Variants in ARID4A observed in about 807,000 individuals in gnomAD.
ARID4A encodes the protein AT-rich interaction domain 4A, also known as AT-rich interactive domain-containing protein 4A.
In ARID4A, 39 loss-of-function variants were observed where a neutral mutation model predicts 148.6. The ratio of observed to expected loss-of-function variants is 0.26; its 90% confidence interval spans 0.20 to 0.34. The LOEUF (loss-of-function observed/expected upper bound fraction) is 0.34, where lower values mean the gene tolerates loss of function less well. Among genes scored for constraint, ARID4A ranks in the 10% least tolerant of loss-of-function variants. ARID4A has a pLI of 1.00. For missense variants in ARID4A, 1,265 were observed against 1,449.1 expected (o/e 0.87, Z 2.06); for synonymous variants, 475 against 481.2 (o/e 0.99, Z 0.17).
At chr14:58,369,613 T>TG (rs1258091855) in intron 23 of ARID4A, among the ~76,000 whole-genome samples, 1 of 25,442 alleles carries the variant, frequency 3.9e-5, no homozygotes, top group African/African-American at 1.0e-4. Flanking sequence ...AGAGTCTGTC[T>TG]CAAAAAAAAA....
chr14:58,316,920 G>A (rs1264979836), intron 5 of ARID4A, among the ~76,000 whole-genome samples: 6 of 124 alleles, frequency 0.048, no homozygotes, highest in African/African-American at 0.077. Context: ...AAGGCCAGGC[G>A]CGGTGCTCAC....
intron 5 of ARID4A, among the ~76,000 whole-genome samples, chr14:58,314,327 A>G (rs1193050661): frequency 2.0e-5 from 3 of 152,194 alleles, no homozygotes; most frequent in African/African-American, 7.2e-5. Flanking sequence ...GAGCTCTAAG[A>G]TGGAAGTTAA....
chr14:58,369,729 G>A (rs894715698), intron 23 of ARID4A, among the ~76,000 whole-genome samples: 6 of 151,996 alleles, frequency 3.9e-5, no homozygotes, highest in African/African-American at 1.2e-4. Flanking sequence ...CTCAATGGTA[G>A]TACTAGAAAC....
chr14:58,346,927 CAAAAAAAAAAAAAAAAAAAAAAAAAAAAA>C lies in ARID4A; in HGVS notation c.1075-75_1075-47del, dbSNP rs71107937. 8.8e-4 allele frequency: 124 copies of C among 140,408 alleles called. 1 individual carries two copies. The highest frequency in any genetic ancestry group is 2.7e-3 in the Admixed American group (8 of 2,936). 8.7% of individuals were successfully genotyped at this position (140,408 alleles called of 1,614,324 possible). On this transcript the variant is annotated intron_variant, in intron 13 of 23. Coordinates refer to ENST00000355431, the MANE Select transcript of ARID4A (RefSeq NM_002892.4). ...TGGGCGACAGAGTGAGACCCTGTCT[CAAAAAAAAAAAAAAAAAAAAAAAAAAAAA>C]AAAAAAAAAAAAAAAAAGATTAATT...
intron 1 of ARID4A, chr14:58,299,561 G>C (rs1202703480): frequency 7.5e-6 from 4 of 533,758 alleles, no homozygotes; most frequent in Non-Finnish European, 1.4e-5. Flanking sequence ...TGGCCAGCGA[G>C]GCGGGGGCGC....
intron 4 of ARID4A, 127 bp downstream of exon 4, chr14:58,305,136 G>T: frequency 1.4e-6 from 1 of 710,160 alleles, no homozygotes; most frequent in South Asian, 2.4e-5. Context: ...CATATGAAGG[G>T]TTTAAATATA....
intron 11 of ARID4A, among the ~76,000 whole-genome samples, chr14:58,331,040 G>A (rs1158641887): frequency 6.6e-6 from 1 of 152,142 alleles, no homozygotes; most frequent in Non-Finnish European, 1.5e-5. Flanking sequence ...TGGGATTCTT[G>A]TTTCTGTTTT....
At chr14:58,347,974 C>T in intron 15 of ARID4A, 96 bp downstream of exon 15, 1 of 824,960 alleles carries the variant, frequency 1.2e-6, no homozygotes, top group African/African-American at 1.7e-5. Flanking sequence ...TACAGTGAAC[C>T]TAGTTTATTT....
intron 19 of ARID4A, 112 bp downstream of exon 19, chr14:58,361,154 A>G (rs570588296): frequency 1.4e-6 from 2 of 1,428,540 alleles, no homozygotes; most frequent in Admixed American, 5.1e-5. Flanking sequence ...AACATAAATA[A>G]TAAAACTTCC....
At position 58,301,700 on chromosome 14, in the gene ARID4A, G is replaced by A; in HGVS notation, c.117+10G>A. On this transcript the variant is annotated intron_variant, in intron 3 of 23. Transcript: ENST00000355431. Reference sequence around the variant, plus strand: ...GCTGGTGAAAGTTAAGGTAATATTTGTTTTTATGCAATAGTTTTATTAACT... The same window carrying A: ...GCTGGTGAAAGTTAAGGTAATATTTATTTTTATGCAATAGTTTTATTAACT... 4 of 1,598,928 alleles carry A rather than the reference G, an allele frequency of 2.5e-6. No individual in the cohort carries two copies. The highest frequency in any genetic ancestry group is 3.4e-6 in the Non-Finnish European group (4 of 1,167,392).
chr14:58,307,129 A>G (rs1001927463), intron 5 of ARID4A, among the ~76,000 whole-genome samples: 2 of 152,228 alleles, frequency 1.3e-5, no homozygotes, highest in African/African-American at 4.8e-5. Flanking sequence ...TTCAAACTGC[A>G]CAATCCTGTG....
chr14:58,346,075 C>T (rs1043308262), intron 12 of ARID4A, among the ~76,000 whole-genome samples: 5 of 151,750 alleles, frequency 3.3e-5, no homozygotes, highest in African/African-American at 1.2e-4. Flanking sequence ...TTGTTGGCCA[C>T]ACCATGCAGT....
intron 4 of ARID4A, 102 bp from the exon 5 acceptor site, chr14:58,305,920 T>G: frequency 1.3e-6 from 1 of 788,120 alleles, no homozygotes; most frequent in East Asian, 2.5e-5. Flanking sequence ...AGAATTATCA[T>G]AAGTATGGTG....
chr14:58,348,250 C>T (rs1042138730), intron 15 of ARID4A, among the ~76,000 whole-genome samples: 1 of 152,282 alleles, frequency 6.6e-6, no homozygotes, highest in Non-Finnish European at 1.5e-5. Flanking sequence ...CTGTAATTTA[C>T]TTATTTATTC....
At chr14:58,365,953 T>G (rs1418173211) in intron 21 of ARID4A, 71 bp from the exon 22 acceptor site, 1 of 1,237,436 alleles carries the variant, frequency 8.1e-7, no homozygotes. Context: ...AATGTAATTG[T>G]TAGGTCTGTT....
rs1432869963 is a variant in ARID4A, at chr14:58,364,426, A to T, written c.2337A>T (p.Thr779=). The T allele has an allele frequency of 1.5e-5, 24 of 1,613,050 alleles. No individual in the cohort carries two copies. Among genetic ancestry groups the T allele is most frequent in the Non-Finnish European group, 2.0e-5 (24 of 1,179,822 alleles). ...TTTTTGGGAACAAAATGGAAAAAACAGAAGAAGTTAAGAAAGAAGCCGAAA... is the reference window on the plus strand; with the variant it reads ...TTTTTGGGAACAAAATGGAAAAAACTGAAGAAGTTAAGAAAGAAGCCGAAA... ...VQIFGNKMEK[T]EEVKKEAEKS... is the part of the protein sequence containing the mutation. The change falls in exon 20 of 24, where the codon ACA becomes ACT. Residue 779 remains threonine, a synonymous_variant. Transcript: ENST00000355431.
chr14:58,361,054 G>A lies in ARID4A; in HGVS notation c.2080+12G>A. 6.2e-7 allele frequency: 1 copy of A among 1,612,016 alleles called. No individual in the cohort carries two copies. Among genetic ancestry groups the A allele is most frequent in the Non-Finnish European group, 8.5e-7 (1 of 1,179,156 alleles). ...TGAAGGAAAATCAGGTACCAGAAGTGCTCGCAGCAATATACCAGACAGCTC... is the reference window on the plus strand; with the variant it reads ...TGAAGGAAAATCAGGTACCAGAAGTACTCGCAGCAATATACCAGACAGCTC... On this transcript the variant is annotated intron_variant, in intron 19 of 23. Transcript: ENST00000355431.
intron 23 of ARID4A, among the ~76,000 whole-genome samples, chr14:58,369,098 G>A (rs1344013908): frequency 6.6e-6 from 1 of 152,126 alleles, no homozygotes; most frequent in African/African-American, 2.4e-5. Flanking sequence ...GGGTCAAAAA[G>A]ACAATAGGAG....
chr14:58,320,952 C>G (rs934364843), intron 7 of ARID4A, among the ~76,000 whole-genome samples: 2 of 152,142 alleles, frequency 1.3e-5, no homozygotes, highest in East Asian at 3.8e-4. Context: ...AGTCTTGTAA[C>G]CTGTTCCCTA....
Sources: allele counts gnomAD v4.1 joint callset (sites outside exome capture counted in the v4.1 genomes callset), GRCh38; gene constraint gnomAD v4.1.1; transcripts MANE v1.5; gene names NCBI Gene and HGNC (gene_info 2026-07-23, HGNC 2026-07-21).